The following INTS1 variants were observed in gnomAD, a reference collection of about 807,000 sequenced individuals.
INTS1 encodes the protein integrator complex subunit 1.
INTS1 carries 137 observed loss-of-function variants against 241.6 expected under a neutral mutation model. The observed-to-expected ratio is 0.57, with a 90% CI of 0.49 to 0.65. The LOEUF (loss-of-function observed/expected upper bound fraction) is 0.65. Ranked by LOEUF, INTS1 falls within the 30% of genes least tolerant of loss-of-function variation. INTS1 has a pLI of 0.00. For missense variants in INTS1, 3,073 were observed against 3,032.2 expected (o/e 1.01, Z -0.32); for synonymous variants, 1,692 against 1,337.8 (o/e 1.26, Z -5.78).
intron 28 of INTS1, 24 bp from the exon 29 acceptor site, chr7:1,480,957 C>T: frequency 6.4e-7 from 1 of 1,564,594 alleles, no homozygotes; most frequent in Non-Finnish European, 8.7e-7. Flanking sequence ...CAGGGTCACA[C>T]CTGGGCGCGG....
Position 1,470,446 on chromosome 7 carries a change from G to T in INTS1, c.*131C>A, listed in dbSNP as rs1453911906. On this transcript the variant is annotated 3_prime_UTR_variant, in exon 48 of 48. Transcript: ENST00000404767. ...GGCTCGGAGTATTGCTCCTGGGCCT[G>T]CCTGGCCTCAGGGCTCGGCGCCCTC... The T allele has an allele frequency of 1.5e-6, 1 of 663,184 alleles. No homozygotes were observed. The highest frequency in any genetic ancestry group is 2.4e-6 in the Non-Finnish European group (1 of 411,394). The allele number at this position is 663,184 out of a possible 1,614,324, so 41.1% of individuals were successfully genotyped here.
Position 1,499,555 on chromosome 7 carries a change from C to G in INTS1, c.762G>C (p.Gln254His). ...PHCKTFVDNI[Q>H]TAFNTRMPPR... Reference sequence around the variant, plus strand: ...GGGGCATTCTGGTGTTGAAGGCCGTCTGGATGTTGTCCACAAACGTCTTAC... The same window carrying G: ...GGGGCATTCTGGTGTTGAAGGCCGTGTGGATGTTGTCCACAAACGTCTTAC... Residue 254 changes from glutamine to histidine, a missense_variant, in exon 6 of 48, where the codon CAG becomes CAC. Coordinates refer to ENST00000404767, the MANE Select transcript of INTS1 (RefSeq NM_001080453.3). 6.2e-7 allele frequency: 1 copy of G among 1,613,534 alleles called. No individual in the cohort carries two copies.
At chr7:1,496,094 C>G (rs1416348220) in intron 12 of INTS1, 62 bp downstream of exon 12, 1 of 1,360,400 alleles carries the variant, frequency 7.4e-7, no homozygotes, top group Non-Finnish European at 1.0e-6. Flanking sequence ...GGAGAGCCGC[C>G]AGCCACCAGC....
chr7:1,487,470 G>A (rs746025236), intron 19 of INTS1, 21 bp from the exon 20 acceptor site: 7 of 1,607,138 alleles, frequency 4.4e-6, no homozygotes, highest in East Asian at 2.2e-5. Context: ...CAGGGGACAC[G>A]GTGCGTCAGC....
intron 13 of INTS1, 54 bp from the exon 14 acceptor site, chr7:1,494,947 C>T: frequency 6.5e-7 from 1 of 1,541,758 alleles, no homozygotes; most frequent in Non-Finnish European, 8.7e-7. Context: ...AGGGACCAGC[C>T]CCGTTAGTTC....
rs1188586000 is a variant in INTS1 at position 1,472,220 on chromosome 7, C to G, written c.6184+53G>C. 3 of 1,354,846 alleles carry G rather than the reference C, an allele frequency of 2.2e-6. No individual in the cohort carries two copies. The South Asian group carries it at 3.7e-5, about 17-fold the overall frequency. The allele number at this position is 1,354,846 out of a possible 1,614,324, so 83.9% of individuals were successfully genotyped here. A position where few individuals can be genotyped will look rare whatever the true frequency, so the allele number is the denominator to read the frequency against. ...ATGGCTACTGGCTGCTGCCCGCAGC[C>G]CCATGGGACCCAGGGCGCTGACCTG... On this transcript the variant is annotated intron_variant, in intron 44 of 47. Transcript: ENST00000404767.
At position 1,494,902 on chromosome 7, in the gene INTS1, G is replaced by A. The variant is rs1274030511; in HGVS notation, c.1833-9C>T. ...ACAGCACCTTGTGCAGGCTGGGCAG[G>A]CAGAGAAGAGCCCTCAGTCATGATG... On this transcript the variant is annotated splice_polypyrimidine_tract_variant and intron_variant, in intron 13 of 47. Transcript: ENST00000404767. 1 of 1,554,954 alleles carries A rather than the reference G, an allele frequency of 6.4e-7. No homozygotes were observed.
In INTS1 at chr7:1,493,119, G is replaced by T. The variant is rs374324833; in HGVS notation, c.2069-13C>A. On this transcript the variant is annotated splice_polypyrimidine_tract_variant and intron_variant, in intron 15 of 47. Transcript: ENST00000404767. This position sits in a 1 kb window ranked among gnomAD's most constrained non-coding sequence, Gnocchi z 5.3. ...AGCACCTCCACATCTAAGACCAAGA[G>T]CCACACATGGGTTCTGGGGCTGCTC... 8.9e-5 allele frequency: 142 copies of T among 1,590,546 alleles called. No individual in the cohort carries two copies. The highest frequency in any genetic ancestry group is 1.2e-4 in the Non-Finnish European group (137 of 1,164,488).
At position 1,477,785 on chromosome 7, in the gene INTS1, C is replaced by G; in HGVS notation, c.4782G>C (p.Leu1594=). 2 of 1,612,516 alleles carry G rather than the reference C, an allele frequency of 1.2e-6. No homozygotes were observed. The highest frequency in any genetic ancestry group is 1.7e-6 in the Non-Finnish European group (2 of 1,179,806). ...SSLLLQEEEP[L]AGGKPGADGG... is the part of the protein sequence containing the mutation. ...CGTCCGCACCCGGCTTCCCCCCAGC[C>G]AGGGGCTCCTCCTCCTGCAGCAGCA... is the stretch of plus-strand genomic sequence containing the variant. Residue 1594 remains leucine, a synonymous_variant, in exon 34 of 48, where the codon CTG becomes CTC. Transcript: ENST00000404767.
At chr7:1,495,595 G>A (rs747822018) in intron 12 of INTS1, 42 bp from the exon 13 acceptor site, 1 of 1,583,974 alleles carries the variant, frequency 6.3e-7, no homozygotes, top group Non-Finnish European at 8.6e-7. Context: ...CGAGCCATGG[G>A]CCATGAGGGG....
chr7:1,496,138 C>T lies in INTS1; in HGVS notation c.1711+18G>A, dbSNP rs778846119. ...GAGACCCCCACCAAGCAGGGCCAGG[C>T]CACCCCCACATCCTTACTCCTCTTT... On this transcript the variant is annotated intron_variant, in intron 12 of 47. Transcript: ENST00000404767. 6.2e-7 allele frequency: 1 copy of T among 1,604,264 alleles called. No homozygotes were observed. The highest frequency in any genetic ancestry group is 1.1e-5 in the South Asian group (1 of 90,892).
intron 43 of INTS1, 40 bp from the exon 44 acceptor site, chr7:1,472,426 CAGGACGTG>C: frequency 7.1e-7 from 1 of 1,400,794 alleles, no homozygotes; most frequent in Non-Finnish European, 9.6e-7. Context: ...GCGGGAGCGG[CAGGACGTG>C]CCACACTGAG....
At chr7:1,490,842 C>T (rs921067940) in intron 16 of INTS1, among the ~76,000 whole-genome samples, 13 of 152,232 alleles carry the variant, frequency 8.5e-5, no homozygotes, top group African/African-American at 3.1e-4. Context: ...AGGATGGACA[C>T]ATAGACGGAC....
At chr7:1,504,126 G>A (rs1226875646) in intron 1 of INTS1, 125 bp from the exon 2 acceptor site, 2 of 579,122 alleles carry the variant, frequency 3.5e-6, no homozygotes, top group Non-Finnish European at 5.9e-6. Context: ...CCGCCCGGCG[G>A]GGCGATGCTG....
At position 1,472,291 on chromosome 7, in the gene INTS1, G is replaced by C. The variant is rs748157062; in HGVS notation, c.6166C>G (p.Arg2056Gly). 6.4e-7 allele frequency: 1 copy of C among 1,557,154 alleles called. No homozygotes were observed. Among genetic ancestry groups the C allele is most frequent in the South Asian group, 1.2e-5 (1 of 84,480 alleles). The change falls in exon 44 of 48, where the codon CGG (arginine) becomes GGG (glycine). Residue 2056 changes from arginine to glycine, a missense_variant. By Grantham distance (125) the Arg-to-Gly change is moderately radical. Transcript: ENST00000404767. ...GACTCACCCTCCACCGTTTGGCCCC[G>C]GGAAAGCCGTTTCATGTAGGGGGCC... is the stretch of plus-strand genomic sequence containing the variant. ...EMAPYMKRLS[R>G]GQTVEDLLEV...
chr7:1,484,460 CCT>C (rs1782151709), intron 24 of INTS1, among the ~76,000 whole-genome samples: 1 of 152,200 alleles, frequency 6.6e-6, no homozygotes, highest in South Asian at 2.1e-4. Context: ...TCGCTCATTC[CCT>C]GAGGACTCGG....
chr7:1,485,529 G>C, intron 22 of INTS1, 60 bp from the exon 23 acceptor site: 1 of 1,543,912 alleles, frequency 6.5e-7, no homozygotes, highest in Non-Finnish European at 8.8e-7. Flanking sequence ...GTCTCACCCT[G>C]GCCCCGGGAG....
chr7:1,497,342 G>A lies in INTS1; in HGVS notation c.1426-28C>T, dbSNP rs1319927942. ...GGGGCAGAGAGAGGCCGCGTGGGAG[G>A]CTGCCCGACAGTGCTGTCCCTGTCA... On this transcript the variant is annotated intron_variant, in intron 10 of 47. Coordinates refer to ENST00000404767, the MANE Select transcript of INTS1 (RefSeq NM_001080453.3). The surrounding 1 kb of genome is among the most constrained non-coding windows in gnomAD (Gnocchi z 5.3). 1 of 1,600,120 alleles carries A rather than the reference G, an allele frequency of 6.2e-7. No individual in the cohort carries two copies.
chr7:1,474,022 G>A (rs1781594545), intron 41 of INTS1, 146 bp downstream of exon 41: 1 of 948,186 alleles, frequency 1.1e-6, no homozygotes, highest in Non-Finnish European at 1.5e-6. Flanking sequence ...GCTTCCCAGG[G>A]TGGGAGCTGG....
Sources: allele counts gnomAD v4.1 joint callset (sites outside exome capture counted in the v4.1 genomes callset), GRCh38; gene constraint gnomAD v4.1.1; non-coding constraint Gnocchi (gnomAD v3.1); transcripts MANE v1.5; gene names NCBI Gene and HGNC (gene_info 2026-07-23, HGNC 2026-07-21).